DNM3: variants seen among roughly 807,000 people sequenced by gnomAD.
DNM3 encodes the protein dynamin 3.
A neutral mutation model predicts 101.6 loss-of-function variants in DNM3; 47 were observed. That is an observed-to-expected ratio of 0.46 (90% confidence interval 0.37 to 0.59). The LOEUF (loss-of-function observed/expected upper bound fraction) is 0.59. Ranked by LOEUF, DNM3 falls within the 20% of genes least tolerant of loss-of-function variation. The pLI is 0.00. For missense variants in DNM3, 849 were observed against 1,085.7 expected (o/e 0.78, Z 3.06); for synonymous variants, 385 against 387.9 (o/e 0.99, Z 0.09).
At chr1:172,155,146 T>C (rs778712170) in intron 14 of DNM3, among the ~76,000 whole-genome samples, 8 of 151,982 alleles carry the variant, frequency 5.3e-5, no homozygotes, top group African/African-American at 1.9e-4. Context: ...ATAAAATGTA[T>C]TGTGATTAAT....
Position 172,054,290 on chromosome 1 carries a change from C to G in DNM3, c.1335+5540C>G, listed in dbSNP as rs74123791. On this transcript the variant is annotated intron_variant, in intron 10 of 20. Transcript: ENST00000627582. Reference sequence around the variant, plus strand: ...CCTAACCTGGGGAAATGCATTTCTTCCCAGATACTTTCTCACTGTTGTCTC... The same window carrying G: ...CCTAACCTGGGGAAATGCATTTCTTGCCAGATACTTTCTCACTGTTGTCTC... Among the ~76,000 whole-genome samples, 747 of 152,336 alleles carry G rather than the reference C, an allele frequency of 4.9e-3. 7 individuals carry two copies. The highest frequency in any genetic ancestry group is 0.017 in the African/African-American group (701 of 41,576).
chr1:171,944,731 T>C (rs915036857), intron 2 of DNM3, among the ~76,000 whole-genome samples: 1 of 151,956 alleles, frequency 6.6e-6, no homozygotes, highest in African/African-American at 2.4e-5. Flanking sequence ...GATATAGTAC[T>C]CTATAGTGCC....
In DNM3 at chr1:172,163,297, G is replaced by GGT. The variant is rs553145452; in HGVS notation, c.1659+32013_1659+32014dup. ...TCCGTCACCCAGGCTGGAGTGCAGTGGTGTGATCTTGGCTCACTGCAACCT... is the reference window on the plus strand; with the variant it reads ...TCCGTCACCCAGGCTGGAGTGCAGTGGTGTGTGATCTTGGCTCACTGCAACCT... On this transcript the variant is annotated intron_variant, in intron 14 of 20. Coordinates refer to ENST00000627582, the MANE Select transcript of DNM3 (RefSeq NM_015569.5). Among the ~76,000 whole-genome samples, 364 of 148,676 alleles carry GGT rather than the reference G, an allele frequency of 2.4e-3. 2 individuals carry two copies. Among genetic ancestry groups the GGT allele is most frequent in the South Asian group, 0.013 (62 of 4,690 alleles).
intron 1 of DNM3, among the ~76,000 whole-genome samples, chr1:171,848,952 A>C (rs2032572506): frequency 6.6e-6 from 1 of 152,192 alleles, no homozygotes; most frequent in Non-Finnish European, 1.5e-5. Flanking sequence ...CCAAGGGTTT[A>C]AAATGTACCT....
At chr1:171,889,650 T>G (rs2037087807) in intron 1 of DNM3, among the ~76,000 whole-genome samples, 1 of 152,138 alleles carries the variant, frequency 6.6e-6, no homozygotes, top group South Asian at 2.1e-4. Flanking sequence ...TTGGCCAAAG[T>G]TTTTGAAAAG....
chr1:172,194,119 C>A (rs1259975471), intron 14 of DNM3, among the ~76,000 whole-genome samples: 2 of 152,098 alleles, frequency 1.3e-5, no homozygotes, highest in Admixed American at 6.6e-5. Flanking sequence ...TCATTATGTA[C>A]CTGGTAGTCA....
intron 20 of DNM3, among the ~76,000 whole-genome samples, chr1:172,389,448 G>C: frequency 6.6e-6 from 1 of 152,128 alleles, no homozygotes. Context: ...GGATTTTCAG[G>C]CTTAATTGTG....
chr1:172,244,494 A>G (rs1261058752), intron 14 of DNM3, among the ~76,000 whole-genome samples: 2 of 151,510 alleles, frequency 1.3e-5, no homozygotes, highest in Non-Finnish European at 3.0e-5. Flanking sequence ...CAATGAACTC[A>G]AACAAATTTA....
chr1:172,313,940 T>TCCCCTAGC (rs1265115899), intron 16 of DNM3, among the ~76,000 whole-genome samples: 1 of 151,094 alleles, frequency 6.6e-6, no homozygotes, highest in East Asian at 1.9e-4. Flanking sequence ...ATGCTATCCC[T>TCCCCTAGC]CCCCTAGCCC....
intron 11 of DNM3, among the ~76,000 whole-genome samples, chr1:172,080,293 T>A (rs904576331): frequency 2.0e-5 from 3 of 152,176 alleles, no homozygotes; most frequent in Non-Finnish European, 4.4e-5. Flanking sequence ...TGACTGGGGC[T>A]GCTGCCTTTC....
intron 14 of DNM3, among the ~76,000 whole-genome samples, chr1:172,216,493 AG>A (rs1368909125): frequency 6.6e-6 from 1 of 152,160 alleles, no homozygotes; most frequent in East Asian, 1.9e-4. Flanking sequence ...AGTCATGACT[AG>A]ATAAAAGACT....
At chr1:171,906,924 C>T (rs574181165) in intron 1 of DNM3, among the ~76,000 whole-genome samples, 17 of 152,304 alleles carry the variant, frequency 1.1e-4, no homozygotes, top group Middle Eastern at 3.4e-3. Context: ...AATACAGTCT[C>T]AGTCAGAGGT....
intron 1 of DNM3, among the ~76,000 whole-genome samples, chr1:171,896,898 G>T (rs2037858283): frequency 6.6e-6 from 1 of 151,986 alleles, no homozygotes; most frequent in Admixed American, 6.6e-5. Flanking sequence ...TAGGCAGTGT[G>T]GGGAAATTTT....
intron 16 of DNM3, among the ~76,000 whole-genome samples, chr1:172,318,528 C>A (rs996845517): frequency 2.0e-5 from 3 of 152,208 alleles, no homozygotes; most frequent in African/African-American, 4.8e-5. Context: ...TGATAAGCAA[C>A]TTCAGCAAAG....
At chr1:172,359,842 T>A (rs972243854) in intron 17 of DNM3, among the ~76,000 whole-genome samples, 15 of 152,152 alleles carry the variant, frequency 9.9e-5, no homozygotes, top group African/African-American at 3.4e-4. Context: ...TGCTTTTGCT[T>A]CAGAACACAG....
intron 2 of DNM3, among the ~76,000 whole-genome samples, chr1:171,922,370 A>G (rs1050504859): frequency 1.3e-5 from 2 of 149,824 alleles, no homozygotes; most frequent in Non-Finnish European, 3.0e-5. Context: ...TTTCATGTTT[A>G]TTTGCCATTT....
intron 1 of DNM3, among the ~76,000 whole-genome samples, chr1:171,917,056 CTTA>C (rs958209298): frequency 3.3e-5 from 5 of 152,088 alleles, no homozygotes; most frequent in African/African-American, 9.7e-5. Flanking sequence ...ACCTGTTATG[CTTA>C]TTATAGTTAT....
intron 1 of DNM3, among the ~76,000 whole-genome samples, chr1:171,876,406 A>G (rs1229027378): frequency 6.6e-6 from 1 of 152,004 alleles, no homozygotes; most frequent in South Asian, 2.1e-4. Flanking sequence ...TCTCCCCTAA[A>G]TCTGGCATAT....
intron 14 of DNM3, among the ~76,000 whole-genome samples, chr1:172,251,682 A>G (rs2062175721): frequency 6.6e-6 from 1 of 152,160 alleles, no homozygotes; most frequent in Admixed American, 6.6e-5. Flanking sequence ...GCCTACTTCT[A>G]TAGAAAACAA....
Sources: allele counts gnomAD v4.1 joint callset (sites outside exome capture counted in the v4.1 genomes callset), GRCh38; gene constraint gnomAD v4.1.1; transcripts MANE v1.5; gene names NCBI Gene and HGNC (gene_info 2026-07-23, HGNC 2026-07-21).